The following RNF17 variants were observed in gnomAD, a reference collection of about 807,000 sequenced individuals.
The protein encoded by RNF17 is spermatogenesis associated 23.
A neutral mutation model predicts 200.5 loss-of-function variants in RNF17; 31 were observed. The ratio of observed to expected loss-of-function variants is 0.15; its 90% CI spans 0.12 to 0.21. The LOEUF (loss-of-function observed/expected upper bound fraction) is 0.21. Among genes scored for constraint, RNF17 ranks in the 10% least tolerant of loss-of-function variants. RNF17 has a pLI of 1.00. For missense variants in RNF17, 1,628 were observed against 1,905.1 expected (o/e 0.85, Z 2.71); for synonymous variants, 606 against 637.8 (o/e 0.95, Z 0.75).
chr13:24,853,700 AG>A lies in RNF17; in HGVS notation c.3321-154del, dbSNP rs148979232. Among the ~76,000 whole-genome samples, 1,137 of 152,324 alleles carry A rather than the reference AG, an allele frequency of 7.5e-3. 15 individuals carry two copies. The highest frequency in any genetic ancestry group is 0.025 in the African/African-American group (1,051 of 41,572). ...TCTCATCAGTCTCATAATTTAAAGTAGTTTTAATTTTAACTGATGCTAATTT... is the reference window on the plus strand; with the variant it reads ...TCTCATCAGTCTCATAATTTAAAGTATTTTAATTTTAACTGATGCTAATTT... On this transcript the variant is annotated intron_variant, in intron 24 of 35. Coordinates refer to ENST00000255324, the MANE Select transcript of RNF17 (RefSeq NM_031277.3).
At chr13:24,774,747 T>C in intron 2 of RNF17, 66 bp from the exon 3 acceptor site, 1 of 904,864 alleles carries the variant, frequency 1.1e-6, no homozygotes. Context: ...TAAATAGTTG[T>C]TTAGGTTCTG....
chr13:24,792,091 G>A (rs868823867), intron 9 of RNF17, among the ~76,000 whole-genome samples: 2 of 152,062 alleles, frequency 1.3e-5, no homozygotes, highest in East Asian at 1.9e-4. Context: ...ATGCTTACAT[G>A]GATAATCAAC....
At chr13:24,770,046 C>G (rs1352242842) in intron 2 of RNF17, among the ~76,000 whole-genome samples, 1 of 151,992 alleles carries the variant, frequency 6.6e-6, no homozygotes, top group African/African-American at 2.4e-5. Flanking sequence ...GGACCTGAGT[C>G]TAAAATACAT....
Position 24,788,179 on chromosome 13 carries a change from T to C in RNF17, c.783+20T>C. Reference sequence around the variant, plus strand: ...AATCAGGTAATTTAATAGTTCACAATGTGAGTTATTTCTGTGGTAGCTTAT... The same window carrying C: ...AATCAGGTAATTTAATAGTTCACAACGTGAGTTATTTCTGTGGTAGCTTAT... On this transcript the variant is annotated intron_variant, in intron 7 of 35. Coordinates refer to ENST00000255324, the MANE Select transcript of RNF17 (RefSeq NM_031277.3). 6.5e-7 allele frequency: 1 copy of C among 1,547,740 alleles called. No homozygotes were observed. The highest frequency in any genetic ancestry group is 8.7e-7 in the Non-Finnish European group (1 of 1,149,328).
chr13:24,784,835 T>C (rs1460943268), intron 6 of RNF17, among the ~76,000 whole-genome samples: 3 of 152,060 alleles, frequency 2.0e-5, no homozygotes, highest in Admixed American at 2.0e-4. Context: ...GCCTCCTGAG[T>C]AGCTGGGACT....
chr13:24,757,150 T>G, the RNF17 span, among the ~76,000 whole-genome samples: 1 of 152,036 alleles, frequency 6.6e-6, no homozygotes, highest in South Asian at 2.1e-4. Flanking sequence ...AAAGGTGAAT[T>G]TATATCTTCT....
chr13:24,810,164 G>A (rs2137812263), intron 15 of RNF17, among the ~76,000 whole-genome samples: 1 of 151,140 alleles, frequency 6.6e-6, no homozygotes, highest in South Asian at 2.1e-4. Flanking sequence ...GATCCGCTTG[G>A]TGCAGAGCTG....
intron 2 of RNF17, among the ~76,000 whole-genome samples, chr13:24,772,029 A>T (rs909863061): frequency 6.6e-6 from 1 of 152,116 alleles, no homozygotes; most frequent in Non-Finnish European, 1.5e-5. Context: ...GGGGCGGTAT[A>T]TGTTTAATTA....
chr13:24,768,033 C>T (rs149509365), intron 2 of RNF17, among the ~76,000 whole-genome samples: 5 of 152,220 alleles, frequency 3.3e-5, no homozygotes, highest in South Asian at 4.1e-4. Context: ...GAACTCCCCC[C>T]CTGCCCCTCA....
chr13:24,844,155 T>G (rs1456774259), intron 20 of RNF17, among the ~76,000 whole-genome samples, 184 bp downstream of exon 20: 1 of 152,152 alleles, frequency 6.6e-6, no homozygotes, highest in Non-Finnish European at 1.5e-5. Flanking sequence ...GCATTAGAAT[T>G]TATTCATTCT....
At chr13:24,774,781 CTT>C in intron 2 of RNF17, 30 bp from the exon 3 acceptor site, 1 of 1,419,410 alleles carries the variant, frequency 7.0e-7, no homozygotes, top group Non-Finnish European at 9.9e-7. Flanking sequence ...TATTGGGTGA[CTT>C]TGTTTTTTTA....
intron 15 of RNF17, among the ~76,000 whole-genome samples, chr13:24,819,571 A>C (rs1380289003): frequency 1.3e-5 from 2 of 152,190 alleles, no homozygotes; most frequent in South Asian, 2.1e-4. Flanking sequence ...TACATATAAC[A>C]TCCTAAAGTT....
At chr13:24,757,230 C>T in the RNF17 span, among the ~76,000 whole-genome samples, 1 of 136,288 alleles carries the variant, frequency 7.3e-6, no homozygotes, top group African/African-American at 2.6e-5. Context: ...CCCATCTGCA[C>T]TTTATTCTTC....
chr13:24,869,172 G>A (rs1893986805), intron 31 of RNF17, among the ~76,000 whole-genome samples: 1 of 152,142 alleles, frequency 6.6e-6, no homozygotes, highest in Admixed American at 6.5e-5. Flanking sequence ...TAAATACTAG[G>A]CACCCGGTGA....
At chr13:24,754,107 G>A in the RNF17 span, among the ~76,000 whole-genome samples, 8 of 151,288 alleles carry the variant, frequency 5.3e-5, no homozygotes, top group Non-Finnish European at 1.0e-4. Flanking sequence ...GCAGTGAGCC[G>A]AGATCGCACC....
intron 16 of RNF17, among the ~76,000 whole-genome samples, chr13:24,828,393 T>C (rs1030602252): frequency 6.6e-6 from 1 of 152,198 alleles, no homozygotes; most frequent in African/African-American, 2.4e-5. Flanking sequence ...TTTTGTTTTT[T>C]ATCTGCCTAA....
rs551740789 is a variant in RNF17, at chr13:24,802,382, A to T, written c.1760A>T (p.Asn587Ile). The stretch of plus-strand genomic sequence containing the variant: ...ATGGAATTTTACTTTCTTGCACAGA[A>T]TGAAGGCTGGGAAGAGGAAGCTAAA... Reference protein sequence around the residue: ...SLKDIVPQNSNEGWEEEAKVE... With the variant: ...SLKDIVPQNSIEGWEEEAKVE... Residue 587 changes from asparagine to isoleucine, a missense_variant and splice_region_variant, in exon 14 of 36, where the codon AAT (asparagine) becomes ATT (isoleucine). This residue lies in a region of RNF17 where 289 missense variants were observed against 384.9 expected (regional missense o/e 0.75). Transcript: ENST00000255324. 1.9e-6 allele frequency: 3 copies of T among 1,609,618 alleles called. No individual in the cohort carries two copies. Among genetic ancestry groups the T allele is most frequent in the African/African-American group, 2.7e-5 (2 of 74,744 alleles).
chr13:24,830,122 A>G (rs909378502), intron 16 of RNF17, among the ~76,000 whole-genome samples: 10 of 152,322 alleles, frequency 6.6e-5, no homozygotes, highest in African/African-American at 2.4e-4. Context: ...TCTTAGAGAT[A>G]TTAATTAGCT....
chr13:24,883,366 A>ATCAC (rs1953919118), downstream of RNF17: 1 of 1,597,812 alleles, frequency 6.3e-7, no homozygotes, highest in South Asian at 1.2e-5. Context: ...GTTTGTTGCC[A>ATCAC]TCACTGTAAA....
Sources: allele counts gnomAD v4.1 joint callset (sites outside exome capture counted in the v4.1 genomes callset), GRCh38; gene constraint gnomAD v4.1.1; regional missense constraint gnomAD v4.1.1; transcripts MANE v1.5; gene names NCBI Gene and HGNC (gene_info 2026-07-23, HGNC 2026-07-21).